Variants in PCDHGB4 observed in about 807,000 individuals in gnomAD.
The protein encoded by PCDHGB4 is protocadherin gamma subfamily B, 4, also known as protocadherin gamma-B4.
PCDHGB4 carries 38 observed loss-of-function variants against 60.5 expected under a neutral mutation model. The observed-to-expected ratio is 0.63, with a 90% CI of 0.48 to 0.82. The LOEUF (loss-of-function observed/expected upper bound fraction) is 0.82, where lower values mean the gene tolerates loss of function less well. Among genes scored for constraint, PCDHGB4 ranks in the 40% least tolerant of loss-of-function variants. The probability of loss-of-function intolerance (pLI) is 0.00; values close to 1 mark genes in which losing one functional copy is unlikely to be tolerated. For synonymous variants in PCDHGB4, 456 were observed against 509.7 expected (o/e 0.89, Z 1.42); for missense variants, 1,109 against 1,209.6 (o/e 0.92, Z 1.23).
At chr5:141,510,272 T>TAAAA (rs546154379) in intron 3 of PCDHGB4, among the ~76,000 whole-genome samples, 4 of 130,388 alleles carry the variant, frequency 3.1e-5, no homozygotes, top group Non-Finnish European at 4.9e-5. Context: ...GACTCCATCT[T>TAAAA]AAAAAAAAAA....
chr5:141,413,166 C>A (rs758193163), intron 1 of PCDHGB4: 3 of 1,590,396 alleles, frequency 1.9e-6, no homozygotes, highest in South Asian at 2.3e-5. Flanking sequence ...AATTCTGTAA[C>A]CAGACTACAA....
At chr5:141,427,327 C>T (rs2097016376) in intron 1 of PCDHGB4, 1 of 457,028 alleles carries the variant, frequency 2.2e-6, no homozygotes, top group African/African-American at 2.0e-5. Flanking sequence ...GTGGTTTTTA[C>T]TTCAGTGTCC....
intron 1 of PCDHGB4, among the ~76,000 whole-genome samples, chr5:141,455,439 C>T (rs966470257): frequency 1.3e-5 from 2 of 152,126 alleles, no homozygotes; most frequent in East Asian, 1.9e-4. Context: ...AGGAGGTCCC[C>T]ATCTACCGCG....
At chr5:141,412,286 G>A (rs150947924) in intron 1 of PCDHGB4, 104 of 152,170 alleles carry the variant, frequency 6.8e-4, no homozygotes, top group African/African-American at 2.3e-3. Flanking sequence ...CAAATTCTAC[G>A]TATTTCTTTT....
At chr5:141,404,126 T>G in intron 1 of PCDHGB4, 1 of 1,613,316 alleles carries the variant, frequency 6.2e-7, no homozygotes, top group Non-Finnish European at 8.5e-7. Context: ...GAATCTATCT[T>G]TTACATTAGA....
rs745698097 is a variant in PCDHGB4 at position 141,389,267 on chromosome 5, G to C, written c.1383G>C (p.Glu461Asp). The C allele has an allele frequency of 3.0e-5, 48 of 1,613,890 alleles. No individual in the cohort carries two copies. The highest frequency in any genetic ancestry group is 4.0e-5 in the Non-Finnish European group (47 of 1,179,898). The change falls in exon 1 of 4, where the codon GAG becomes GAC. Residue 461 changes from glutamate to aspartate, a missense_variant. Coordinates refer to ENST00000519479, the MANE Select transcript of PCDHGB4 (RefSeq NM_003736.4). ...CTTCCTATATAGTCCACGTGGCCGA[G>C]AACAACCCGCCTGGAGCCTCTATTT... Reference protein sequence around the residue: ...SQSSYIVHVAENNPPGASISQ... With the variant: ...SQSSYIVHVADNNPPGASISQ...
intron 1 of PCDHGB4, chr5:141,409,795 G>A (rs764584425): frequency 1.2e-6 from 2 of 1,611,722 alleles, no homozygotes; most frequent in Admixed American, 1.7e-5. Context: ...TCGCGCTCAC[G>A]CTGCAGGCCC....
rs2095403267 is a variant in PCDHGB4, at chr5:141,410,523, A to C, written c.2397+20242A>C. 2 of 1,613,800 alleles carry C rather than the reference A, an allele frequency of 1.2e-6. No individual in the cohort carries two copies. Among genetic ancestry groups the C allele is most frequent in the African/African-American group, 2.7e-5 (2 of 74,910 alleles). ...TTCCTAAAATGCAGTGTGCCCCTAC[A>C]TTCCAATGAAGACATGGTTTGCAGT... On this transcript the variant is annotated intron_variant, in intron 1 of 3. Coordinates refer to ENST00000519479, the MANE Select transcript of PCDHGB4 (RefSeq NM_003736.4).
chr5:141,482,069 G>A (rs892777397), intron 1 of PCDHGB4, among the ~76,000 whole-genome samples: 1 of 138,078 alleles, frequency 7.2e-6, no homozygotes, highest in Non-Finnish European at 1.5e-5. Context: ...TGGGCAACAA[G>A]AACAAAACTC....
intron 2 of PCDHGB4, among the ~76,000 whole-genome samples, chr5:141,495,690 G>A (rs1261694815): frequency 1.3e-5 from 2 of 152,172 alleles, no homozygotes; most frequent in East Asian, 3.9e-4. Context: ...TGGCATAAGT[G>A]CTCAATAAAT....
At chr5:141,401,532 A>G (rs1461153273) in intron 1 of PCDHGB4, among the ~76,000 whole-genome samples, 2 of 152,260 alleles carry the variant, frequency 1.3e-5, no homozygotes, top group Non-Finnish European at 2.9e-5. Context: ...GAAGAAACTT[A>G]CAAAAAAAAG....
chr5:141,418,264 A>C, intron 1 of PCDHGB4: 1 of 1,614,082 alleles, frequency 6.2e-7, no homozygotes, highest in Non-Finnish European at 8.5e-7. Flanking sequence ...AATTCCGGAA[A>C]GATGAAATAA....
intron 1 of PCDHGB4, among the ~76,000 whole-genome samples, chr5:141,484,730 G>T (rs1231473842): frequency 6.6e-6 from 1 of 151,728 alleles, no homozygotes; most frequent in Non-Finnish European, 1.5e-5. Context: ...GGGGTCAGTC[G>T]GTGTGTTAGG....
rs774354457 is a variant in PCDHGB4 at position 141,409,462 on chromosome 5, CA to C, written c.2397+19182del. 8.1e-6 allele frequency: 13 copies of C among 1,613,870 alleles called. No individual in the cohort carries two copies. The East Asian group carries it at 2.9e-4, about 36-fold the overall frequency. On this transcript the variant is annotated intron_variant, in intron 1 of 3. Coordinates refer to ENST00000519479, the MANE Select transcript of PCDHGB4 (RefSeq NM_003736.4). ...GAGAGCAGACACCAGAATACAATGT[CA>C]CCATCGTAGCCACTGACAGGGGCAA... is the stretch of plus-strand genomic sequence containing the variant.
At chr5:141,428,226 C>A (rs2154552641) in intron 1 of PCDHGB4, 1 of 1,137,180 alleles carries the variant, frequency 8.8e-7, no homozygotes, top group South Asian at 1.3e-5. Flanking sequence ...TCTTCGCAGA[C>A]AGCCTGCAGG....
chr5:141,425,956 C>T (rs1221085532), intron 1 of PCDHGB4, among the ~76,000 whole-genome samples: 1 of 152,244 alleles, frequency 6.6e-6, no homozygotes, highest in Non-Finnish European at 1.5e-5. Flanking sequence ...ATACATTAGT[C>T]CAACACATCA....
At chr5:141,408,226 GCGCCGGGCCGGCC>G (rs2095062452) in intron 1 of PCDHGB4, 1 of 1,562,288 alleles carries the variant, frequency 6.4e-7, no homozygotes, top group South Asian at 1.2e-5. Flanking sequence ...GCGCGCAGAG[GCGCCGGGCCGGCC>G]CGCGGCAGGT....
Position 141,487,399 on chromosome 5 carries a change from G to T in PCDHGB4, c.2398-7408G>T, listed in dbSNP as rs749826036. 6.2e-7 allele frequency: 1 copy of T among 1,614,140 alleles called. No individual in the cohort carries two copies. The highest frequency in any genetic ancestry group is 8.5e-7 in the Non-Finnish European group (1 of 1,180,014). ...TCACCAGATCTCGAAGGAGGGAGGG[G>T]CTTCCCCCTTCCAATGGGATCCTCC... On this transcript the variant is annotated intron_variant, in intron 1 of 3. Transcript: ENST00000519479. The surrounding 1 kb of genome is among the most constrained non-coding windows in gnomAD (Gnocchi z 5.0).
intron 1 of PCDHGB4, among the ~76,000 whole-genome samples, chr5:141,451,395 A>G (rs2098715118): frequency 6.6e-6 from 1 of 152,184 alleles, no homozygotes; most frequent in Admixed American, 6.6e-5. Context: ...AGTTAATGGC[A>G]AAATTAAGTT....
Sources: allele counts gnomAD v4.1 joint callset (sites outside exome capture counted in the v4.1 genomes callset), GRCh38; gene constraint gnomAD v4.1.1; non-coding constraint Gnocchi (gnomAD v3.1); transcripts MANE v1.5; gene names NCBI Gene and HGNC (gene_info 2026-07-23, HGNC 2026-07-21).